Variants in UBA2 observed in about 807,000 individuals in gnomAD.
The protein encoded by UBA2 is SUMO-activating enzyme subunit 2.
In UBA2, 11 loss-of-function variants were observed where a neutral mutation model predicts 77.2. The ratio of observed to expected loss-of-function variants is 0.14; its 90% CI spans 0.09 to 0.24. The LOEUF (loss-of-function observed/expected upper bound fraction) is 0.24, where lower values mean the gene tolerates loss of function less well. UBA2 is among the 10% of genes least tolerant of loss of function. The pLI is 1.00. For synonymous variants in UBA2, 278 were observed against 276.7 expected (o/e 1.00, Z -0.05); for missense variants, 487 against 781.7 (o/e 0.62, Z 4.50).
chr19:34,428,650 T>G, intron 1 of UBA2, 80 bp downstream of exon 1: 4 of 1,033,348 alleles, frequency 3.9e-6, no homozygotes, highest in Non-Finnish European at 4.8e-6. Flanking sequence ...CTCCAGGGGC[T>G]CTGAGGCTCA....
At chr19:34,431,664 G>A (rs1428565254) in intron 2 of UBA2, among the ~76,000 whole-genome samples, 197 bp from the exon 3 acceptor site, 1 of 151,988 alleles carries the variant, frequency 6.6e-6, no homozygotes, top group Non-Finnish European at 1.5e-5. Context: ...GGGCTCTCCG[G>A]TTATTTTATA....
intron 12 of UBA2, among the ~76,000 whole-genome samples, chr19:34,458,119 C>G (rs2075588066): frequency 6.6e-6 from 1 of 152,146 alleles, no homozygotes; most frequent in African/African-American, 2.4e-5. Context: ...ACACCAGCTG[C>G]TGATACAATG....
intron 4 of UBA2, among the ~76,000 whole-genome samples, chr19:34,434,355 G>GT (rs1171598155): frequency 6.6e-6 from 1 of 152,272 alleles, no homozygotes; most frequent in East Asian, 1.9e-4. Context: ...GCTTCAAGCA[G>GT]TCCTCCCACC....
intron 10 of UBA2, among the ~76,000 whole-genome samples, chr19:34,454,006 AG>A (rs2075531188): frequency 6.6e-6 from 1 of 151,980 alleles, no homozygotes; most frequent in Non-Finnish European, 1.5e-5. Context: ...GTGAGTTCCT[AG>A]AAGCTGGTGA....
Position 34,444,044 on chromosome 19 carries a change from G to GTTTTTTTTTT in UBA2, c.649+148_649+157dup, listed in dbSNP as rs35028159. The GTTTTTTTTTT allele has an allele frequency of 4.0e-3, 704 of 175,632 alleles. 1 individual carries two copies. Among genetic ancestry groups the GTTTTTTTTTT allele is most frequent in the South Asian group, 5.8e-3 (84 of 14,430 alleles). The allele number at this position is 175,632 out of a possible 1,614,324, so 10.9% of individuals were successfully genotyped here. A position where few individuals can be genotyped will look rare whatever the true frequency, so the allele number is the denominator to read the frequency against. ...TGTGTTTAACATGTGTTTTTTTTTT[G>GTTTTTTTTTT]TTTTTTTTTTTTTTTTTTTTTTTTG... On this transcript the variant is annotated intron_variant, in intron 7 of 16. Transcript: ENST00000246548.
intron 14 of UBA2, among the ~76,000 whole-genome samples, chr19:34,461,413 G>A (rs968484674): frequency 6.6e-6 from 1 of 152,116 alleles, no homozygotes; most frequent in Non-Finnish European, 1.5e-5. Flanking sequence ...GGGCTATTAG[G>A]TCATGTGTAA....
Position 34,430,959 on chromosome 19 carries a change from A to G in UBA2, c.222+300A>G, listed in dbSNP as rs1187038935. Among the ~76,000 whole-genome samples, 3 of 152,054 alleles carry G rather than the reference A, an allele frequency of 2.0e-5. No homozygotes were observed. In the East Asian group the frequency reaches 5.8e-4, roughly 29 times the overall value. On this transcript the variant is annotated intron_variant, in intron 2 of 16. Coordinates refer to ENST00000246548, the MANE Select transcript of UBA2 (RefSeq NM_005499.3). ...CACCCCCTAGAGGTTGACTACTGCT[A>G]TGTTTGGGGGCTAGAGGAGCGTTAT...
rs1419037841 is a variant in UBA2 at position 34,463,905 on chromosome 19, C to T, written c.1499-121C>T. ...AGATACTGGGGATTAGGGTTTCAACCTTTGGATTTTGGTGAACGGGACACA... is the reference window on the plus strand; with the variant it reads ...AGATACTGGGGATTAGGGTTTCAACTTTTGGATTTTGGTGAACGGGACACA... On this transcript the variant is annotated intron_variant, in intron 14 of 16. Transcript: ENST00000246548. 1.6e-5 allele frequency: 11 copies of T among 677,610 alleles called. No homozygotes were observed. In the African/African-American group the frequency reaches 2.0e-4, roughly 12 times the overall value. 42.0% of individuals were successfully genotyped at this position (677,610 alleles called of 1,614,324 possible). A position where few individuals can be genotyped will look rare whatever the true frequency, so the allele number is the denominator to read the frequency against.
At chr19:34,429,332 TAG>T (rs2145482957) in intron 1 of UBA2, 1 of 830,522 alleles carries the variant, frequency 1.2e-6, no homozygotes, top group African/African-American at 1.8e-5. Flanking sequence ...GCAAACTTTT[TAG>T]AGATTGGAGA....
At chr19:34,458,971 A>G in intron 13 of UBA2, 47 bp downstream of exon 13, 1 of 1,520,948 alleles carries the variant, frequency 6.6e-7, no homozygotes, top group Non-Finnish European at 8.9e-7. Flanking sequence ...TTACAGTATT[A>G]CTGTGATGAC....
At chr19:34,466,331 G>C (rs946587042) in intron 15 of UBA2, among the ~76,000 whole-genome samples, 5 of 151,954 alleles carry the variant, frequency 3.3e-5, no homozygotes, top group African/African-American at 1.2e-4. Flanking sequence ...GTGAGACTCC[G>C]TCTCGAAAAA....
intron 12 of UBA2, among the ~76,000 whole-genome samples, chr19:34,455,947 C>CT (rs113812938): frequency 0.053 from 7,795 of 147,824 alleles, 272 homozygotes; most frequent in Admixed American, 0.12. Context: ...TGCGCCCGGC[C>CT]TTTTTTTTTT....
chr19:34,465,857 T>G (rs1250314436), intron 15 of UBA2, among the ~76,000 whole-genome samples: 1 of 152,116 alleles, frequency 6.6e-6, no homozygotes, highest in Admixed American at 6.6e-5. Flanking sequence ...ATTAGGGTTT[T>G]TAATCATATT....
At chr19:34,449,726 C>T (rs978414303) in intron 8 of UBA2, among the ~76,000 whole-genome samples, 1 of 151,724 alleles carries the variant, frequency 6.6e-6, no homozygotes, top group Non-Finnish European at 1.5e-5. Flanking sequence ...TATTTTTGTT[C>T]ATGTTTCTGT....
At chr19:34,458,963 A>G in intron 13 of UBA2, 39 bp downstream of exon 13, 7 of 1,597,342 alleles carry the variant, frequency 4.4e-6, no homozygotes, top group Non-Finnish European at 5.1e-6. Context: ...TTTTGCTTTT[A>G]CAGTATTACT....
At chr19:34,453,588 A>T (rs1599920367) in intron 10 of UBA2, among the ~76,000 whole-genome samples, 1 of 147,062 alleles carries the variant, frequency 6.8e-6, no homozygotes, top group South Asian at 2.1e-4. Flanking sequence ...CAGTGGCATG[A>T]TCTTGGCTTA....
At chr19:34,463,887 G>A (rs2075659289) in intron 14 of UBA2, 139 bp from the exon 15 acceptor site, 3 of 632,210 alleles carry the variant, frequency 4.7e-6, no homozygotes, top group Non-Finnish European at 8.6e-6. Flanking sequence ...CTGAGATACT[G>A]GGGATTAGGG....
At chr19:34,454,131 C>T in intron 10 of UBA2, 129 bp from the exon 11 acceptor site, 1 of 836,888 alleles carries the variant, frequency 1.2e-6, no homozygotes, top group South Asian at 1.8e-5. Flanking sequence ...CTGGTCTTTC[C>T]CTCAGCAACC....
intron 5 of UBA2, among the ~76,000 whole-genome samples, chr19:34,438,037 C>G (rs1305495345): frequency 1.3e-5 from 2 of 152,038 alleles, no homozygotes; most frequent in Non-Finnish European, 2.9e-5. Context: ...GGTGACAGAG[C>G]AAGACTCCGT....
Sources: allele counts gnomAD v4.1 joint callset (sites outside exome capture counted in the v4.1 genomes callset), GRCh38; gene constraint gnomAD v4.1.1; transcripts MANE v1.5; gene names NCBI Gene and HGNC (gene_info 2026-07-23, HGNC 2026-07-21).